Variants in ADCK2 observed in about 807,000 individuals in gnomAD.
ADCK2 encodes aarF domain containing kinase 2, also known as uncharacterized aarF domain-containing protein kinase 2.
A neutral mutation model predicts 52.3 loss-of-function variants in ADCK2; 37 were observed. The ratio of observed to expected loss-of-function variants is 0.71; its 90% confidence interval spans 0.54 to 0.93. The LOEUF is 0.93. Among genes scored for constraint, ADCK2 ranks in the 40% least tolerant of loss-of-function variants. The pLI, the probability that ADCK2 is intolerant of heterozygous loss-of-function variation, is 0.00. For missense variants in ADCK2, 695 were observed against 798.7 expected (o/e 0.87, Z 1.56); for synonymous variants, 321 against 349.2 (o/e 0.92, Z 0.90).
chr7:140,674,865 G>C lies in ADCK2; in HGVS notation c.1080+108G>C. 1 of 1,332,490 alleles carries C rather than the reference G, an allele frequency of 7.5e-7. No homozygotes were observed. The highest frequency in any genetic ancestry group is 1.0e-6 in the Non-Finnish European group (1 of 978,944). The allele number at this position is 1,332,490 out of a possible 1,614,324, so 82.5% of individuals were successfully genotyped here. Reference sequence around the variant, plus strand: ...AATTTTCTGGTATGTCATAACTCATGTGATGTGTTAGAGCTGGTAACACTA... The same window carrying C: ...AATTTTCTGGTATGTCATAACTCATCTGATGTGTTAGAGCTGGTAACACTA... On this transcript the variant is annotated intron_variant, in intron 2 of 7. Transcript: ENST00000072869. The surrounding 1 kb of genome is among the most constrained non-coding windows in gnomAD (Gnocchi z 4.6).
rs1462197451 is a variant in ADCK2 at position 140,678,958 on chromosome 7, T to C, written c.1081-197T>C. On this transcript the variant is annotated intron_variant, in intron 2 of 7. Coordinates refer to ENST00000072869, the MANE Select transcript of ADCK2 (RefSeq NM_052853.4). The surrounding 1 kb of genome is among the most constrained non-coding windows in gnomAD (Gnocchi z 4.9). ...ACCTGCCGTCTGCAGCCTCCAGGAG[T>C]TCACACAGAGATCTGGGATTGCTGG... Among the ~76,000 whole-genome samples the C allele has an allele frequency of 2.0e-5, 3 of 151,772 alleles. No individual in the cohort carries two copies. The highest frequency in any genetic ancestry group is 2.9e-5 in the Non-Finnish European group (2 of 67,914).
chr7:140,686,693 C>T (rs1215208608), intron 4 of ADCK2, among the ~76,000 whole-genome samples: 2 of 152,178 alleles, frequency 1.3e-5, no homozygotes, highest in Non-Finnish European at 1.5e-5. Context: ...GACCCTCCTT[C>T]GTTGGCCTCC....
At chr7:140,680,873 G>A (rs1021451713) in intron 3 of ADCK2, among the ~76,000 whole-genome samples, 169 bp from the exon 4 acceptor site, 2 of 152,302 alleles carry the variant, frequency 1.3e-5, no homozygotes, top group East Asian at 1.9e-4. Context: ...AGGATTACAG[G>A]TGTGAGCCAC....
Position 140,687,570 on chromosome 7 carries a change from C to T in ADCK2, c.1557+329C>T, listed in dbSNP as rs190822129. 4.3e-3 allele frequency among the ~76,000 whole-genome samples: 647 copies of T among 152,084 alleles called. 7 individuals carry two copies. The highest frequency in any genetic ancestry group is 0.015 in the African/African-American group (602 of 41,486). On this transcript the variant is annotated intron_variant, in intron 5 of 7. Coordinates refer to ENST00000072869, the MANE Select transcript of ADCK2 (RefSeq NM_052853.4). ...TCTCTACTAAAAATATAAAATTAGC[C>T]AGGCATGGTGGTGTGTACCTGTAAT...
Position 140,694,765 on chromosome 7 carries a change from A to C in ADCK2, c.1843A>C (p.Arg615=), listed in dbSNP as rs886574670. The C allele has an allele frequency of 1.9e-6, 3 of 1,613,812 alleles. No individual in the cohort carries two copies. In the Admixed American group the frequency reaches 5.0e-5, roughly 27 times the overall value. ...CAAACTGGACATCCTGGAGGCAGCG[A>C]GGCCCTTCCTCCTCACGGGCCCAGT... ...DPKLDILEAA[R]PFLLTGPVCP... is the part of the protein sequence containing the mutation. Residue 615 remains arginine (R), a synonymous_variant, in exon 8 of 8, where the codon AGG becomes CGG. Transcript: ENST00000072869.
chr7:140,690,881 A>G, intron 7 of ADCK2, 68 bp downstream of exon 7: 1 of 1,430,516 alleles, frequency 7.0e-7, no homozygotes, highest in Non-Finnish European at 9.7e-7. Context: ...GGGAGGACAC[A>G]GGGTGGTGGG....
At chr7:140,694,168 C>T (rs1794756137) in intron 7 of ADCK2, among the ~76,000 whole-genome samples, 1 of 152,088 alleles carries the variant, frequency 6.6e-6, no homozygotes, top group Non-Finnish European at 1.5e-5. Context: ...AAAAAAGAGT[C>T]CCAGTCTCAG....
rs771744379 is a variant in ADCK2, at chr7:140,674,581, C to T, written c.934-30C>T. 3.8e-6 allele frequency: 6 copies of T among 1,597,520 alleles called. No homozygotes were observed. Among genetic ancestry groups the T allele is most frequent in the Non-Finnish European group, 5.1e-6 (6 of 1,168,412 alleles). ...TGGGTAAAATGTGTCCAGCAGGTTT[C>T]TCCTGTCTCACGGTTCCTCTTTCTG... On this transcript the variant is annotated intron_variant, in intron 1 of 7. Coordinates refer to ENST00000072869, the MANE Select transcript of ADCK2 (RefSeq NM_052853.4). The surrounding 1 kb of genome is among the most constrained non-coding windows in gnomAD (Gnocchi z 4.6).
chr7:140,681,958 T>G (rs748006312), intron 4 of ADCK2, among the ~76,000 whole-genome samples: 13 of 152,182 alleles, frequency 8.5e-5, no homozygotes, highest in Non-Finnish European at 1.8e-4. Flanking sequence ...CTCTGTGTGC[T>G]GTGAGAAGAA....
intron 3 of ADCK2, among the ~76,000 whole-genome samples, chr7:140,680,221 C>G (rs1794493285): frequency 6.6e-6 from 1 of 151,992 alleles, no homozygotes; most frequent in Non-Finnish European, 1.5e-5. Context: ...TCTCGGCTCA[C>G]TGCAGCCTCC....
At chr7:140,687,889 T>A (rs1302791391) in intron 5 of ADCK2, among the ~76,000 whole-genome samples, 1 of 151,474 alleles carries the variant, frequency 6.6e-6, no homozygotes, top group African/African-American at 2.4e-5. Context: ...TTTTTTTTTT[T>A]TTTAAAGTTT....
In ADCK2 at chr7:140,674,332, C is replaced by T; in HGVS notation, c.933+69C>T. 11 of 1,453,782 alleles carry T rather than the reference C, an allele frequency of 7.6e-6. No homozygotes were observed. Among genetic ancestry groups the T allele is most frequent in the Non-Finnish European group, 9.3e-6 (10 of 1,078,054 alleles). 90.1% of individuals were successfully genotyped at this position (1,453,782 alleles called of 1,614,324 possible). A position where few individuals can be genotyped will look rare whatever the true frequency, so the allele number is the denominator to read the frequency against. On this transcript the variant is annotated intron_variant, in intron 1 of 7. Transcript: ENST00000072869. The surrounding 1 kb of genome is among the most constrained non-coding windows in gnomAD (Gnocchi z 4.6). ...TCCCAGATCAGAAACAACCGCCATG[C>T]AAATCGCCCCCACGTTTATTTCTAT...
intron 4 of ADCK2, among the ~76,000 whole-genome samples, chr7:140,685,089 A>C (rs968214044): frequency 1.3e-5 from 2 of 152,138 alleles, no homozygotes; most frequent in Non-Finnish European, 2.9e-5. Context: ...TTAAAAAAAA[A>C]AACAACTGAA....
intron 4 of ADCK2, among the ~76,000 whole-genome samples, chr7:140,683,098 C>T (rs1052175992): frequency 6.6e-5 from 10 of 150,858 alleles, no homozygotes; most frequent in Non-Finnish European, 1.3e-4. Context: ...GTCAGGAGAT[C>T]GAGACCATCC....
At chr7:140,692,351 G>A (rs529911956) in intron 7 of ADCK2, among the ~76,000 whole-genome samples, 1 of 152,266 alleles carries the variant, frequency 6.6e-6, no homozygotes, top group South Asian at 2.1e-4. Flanking sequence ...CATCCATGTT[G>A]TAACATGTGA....
intron 2 of ADCK2, among the ~76,000 whole-genome samples, chr7:140,677,456 A>G (rs1458238342): frequency 6.6e-6 from 1 of 151,858 alleles, no homozygotes; most frequent in Non-Finnish European, 1.5e-5. Context: ...TGAGTCCTGT[A>G]TCCCCGGATT....
At position 140,678,170 on chromosome 7, in the gene ADCK2, G is replaced by T. The variant is rs139331065; in HGVS notation, c.1081-985G>T. 1.3e-5 allele frequency among the ~76,000 whole-genome samples: 2 copies of T among 152,310 alleles called. No homozygotes were observed. The highest frequency in any genetic ancestry group is 2.9e-5 in the Non-Finnish European group (2 of 68,024). On this transcript the variant is annotated intron_variant, in intron 2 of 7. Transcript: ENST00000072869. This position sits in a 1 kb window ranked among gnomAD's most constrained non-coding sequence, Gnocchi z 4.9. ...ATGCGCCTTGGGAGTGGCATTGGGG[G>T]ACAGGGACTGATCTGAGGGCGGTGA...
intron 2 of ADCK2, among the ~76,000 whole-genome samples, chr7:140,675,071 T>C (rs1166325561): frequency 2.4e-4 from 36 of 152,172 alleles, no homozygotes; most frequent in Non-Finnish European, 7.4e-5. Context: ...GGTGTAACCC[T>C]GTCTCTACTG....
intron 4 of ADCK2, among the ~76,000 whole-genome samples, chr7:140,684,675 C>G (rs1324015642): frequency 2.6e-5 from 4 of 152,156 alleles, no homozygotes; most frequent in African/African-American, 7.2e-5. Flanking sequence ...GCGCTCAGAG[C>G]AGGTGGAGTC....
Sources: allele counts gnomAD v4.1 joint callset (sites outside exome capture counted in the v4.1 genomes callset), GRCh38; gene constraint gnomAD v4.1.1; non-coding constraint Gnocchi (gnomAD v3.1); transcripts MANE v1.5; gene names NCBI Gene and HGNC (gene_info 2026-07-23, HGNC 2026-07-21).